DLC1: variants seen among roughly 807,000 people sequenced by gnomAD.
The protein encoded by DLC1 is rho GTPase-activating protein 7.
A neutral mutation model predicts 140.3 loss-of-function variants in DLC1; 54 were observed. The observed-to-expected ratio is 0.38, with a 90% CI of 0.31 to 0.48. DLC1 has a LOEUF of 0.48. DLC1 is among the 20% of genes least tolerant of loss of function. The pLI, the probability that DLC1 is intolerant of heterozygous loss-of-function variation, is 0.96. For synonymous variants in DLC1, 986 were observed against 728.1 expected (o/e 1.35, Z -5.70); for missense variants, 2,536 against 1,907.0 (o/e 1.33, Z -6.14).
rs80333709 is a variant in DLC1 at position 13,498,817 on chromosome 8, A to G, written c.1023+232T>C. On this transcript the variant is annotated intron_variant, in intron 2 of 17. Transcript: ENST00000276297. Reference sequence around the variant, plus strand: ...CCTGTTTTCAACACAATTCTGAAATAGAATATTCATAAACCATTATACACA... The same window carrying G: ...CCTGTTTTCAACACAATTCTGAAATGGAATATTCATAAACCATTATACACA... 2.4e-3 allele frequency: 1,057 copies of G among 431,526 alleles called. 9 individuals carry two copies. Among genetic ancestry groups the G allele is most frequent in the African/African-American group, 0.019 (922 of 49,728 alleles). The allele number at this position is 431,526 out of a possible 1,614,324, so 26.7% of individuals were successfully genotyped here. A position where few individuals can be genotyped will look rare whatever the true frequency, so the allele number is the denominator to read the frequency against.
intron 4 of DLC1, among the ~76,000 whole-genome samples, chr8:13,330,926 T>C (rs1227464815): frequency 6.6e-6 from 1 of 152,138 alleles, no homozygotes; most frequent in South Asian, 2.1e-4. Context: ...GTTTACACAC[T>C]TGAAATTAGG....
At chr8:13,448,330 C>T (rs573437218) in intron 2 of DLC1, among the ~76,000 whole-genome samples, 1 of 151,276 alleles carries the variant, frequency 6.6e-6, no homozygotes, top group Admixed American at 6.6e-5. Flanking sequence ...ATCTTCTTTG[C>T]TGTATCTTTT....
chr8:13,567,416 A>C lies in DLC1; in HGVS notation c.-126+37121T>G, dbSNP rs77590029. The stretch of plus-strand genomic sequence containing the variant: ...CATCGTAGAGGGGATTCTAAGAAGA[A>C]GACGAGCAGCAGACATAAAAAGCTG... On this transcript the variant is annotated intron_variant, in intron 1 of 1. Transcript: ENST00000631382. The C allele has an allele frequency of 4.4e-3, 6,767 of 1,551,640 alleles. 257 individuals are homozygous for C. In the African/African-American group the frequency reaches 0.081, roughly 19 times the overall value.
chr8:13,537,293 C>T (rs1375113088), intron 1 of DLC1, among the ~76,000 whole-genome samples: 1 of 152,124 alleles, frequency 6.6e-6, no homozygotes. Flanking sequence ...GCCATTCAGG[C>T]CCTCCACAAT....
In DLC1 at chr8:13,585,410, T is replaced by TA. The variant is rs768545206; in HGVS notation, c.-126+19126dup. Among the ~76,000 whole-genome samples, 196 of 151,390 alleles carry TA rather than the reference T, an allele frequency of 1.3e-3. 3 individuals are homozygous for TA. Among genetic ancestry groups the TA allele is most frequent in the Non-Finnish European group, 6.5e-4 (44 of 67,804 alleles). ...AAGACTCTCATCTCTATAAAAAATT[T>TA]AAAAAAAAAGAATGAAGAAATTAAA... On this transcript the variant is annotated intron_variant, in intron 1 of 1. Coordinates refer to the DLC1 transcript ENST00000631382.
Position 13,465,371 on chromosome 8 carries a change from A to G in DLC1, c.1023+33678T>C, listed in dbSNP as rs530036114. 7.2e-5 allele frequency among the ~76,000 whole-genome samples: 11 copies of G among 152,298 alleles called. 1 individual carries two copies. Among genetic ancestry groups the G allele is most frequent in the South Asian group, 4.1e-4 (2 of 4,828 alleles). On this transcript the variant is annotated intron_variant, in intron 2 of 17. Coordinates refer to ENST00000276297, the MANE Select transcript of DLC1 (RefSeq NM_182643.3). ...TCAGTTATATTGATACCTAGAATGT[A>G]TAGGGAGTTCCTGTTGATCCTGACT...
At chr8:13,453,438 G>GTGTA in intron 2 of DLC1, among the ~76,000 whole-genome samples, 1 of 16,760 alleles carries the variant, frequency 6.0e-5, no homozygotes, top group Admixed American at 7.6e-4. Flanking sequence ...ATATATATAT[G>GTGTA]TATATATATA....
At chr8:13,158,733 T>TCCCCCCCCCCCCC (rs71207127) in intron 5 of DLC1, among the ~76,000 whole-genome samples, 2 of 58,984 alleles carry the variant, frequency 3.4e-5, no homozygotes, top group Non-Finnish European at 6.7e-5. Flanking sequence ...ACCACCACCC[T>TCCCCCCCCCCCCC]CCCCCCCCCC....
intron 1 of DLC1, among the ~76,000 whole-genome samples, chr8:13,506,670 T>C (rs901662041): frequency 6.6e-6 from 1 of 151,280 alleles, no homozygotes; most frequent in Non-Finnish European, 1.5e-5. Context: ...CATATGTATG[T>C]ATATAAATAT....
At chr8:13,151,856 G>T (rs1004528339) in intron 5 of DLC1, among the ~76,000 whole-genome samples, 1 of 152,078 alleles carries the variant, frequency 6.6e-6, no homozygotes, top group South Asian at 2.1e-4. Context: ...ATTTATTGTC[G>T]GTAAAAGTTA....
chr8:13,339,526 C>T (rs1456564264), intron 4 of DLC1: 3 of 152,136 alleles, frequency 2.0e-5, no homozygotes, highest in African/African-American at 7.2e-5. Context: ...TACTTGTGTG[C>T]TGTTTTAAAA....
intron 5 of DLC1, among the ~76,000 whole-genome samples, chr8:13,123,970 A>G (rs73554491): frequency 0.01 from 1,567 of 152,346 alleles, 40 homozygotes; most frequent in African/African-American, 0.036. Flanking sequence ...GTGTATAAAT[A>G]TAAGTACACA....
chr8:13,489,431 A>ACG (rs1554530239), intron 2 of DLC1, among the ~76,000 whole-genome samples: 1 of 150,072 alleles, frequency 6.7e-6, no homozygotes, highest in Non-Finnish European at 1.5e-5. Context: ...ACACACACAC[A>ACG]CACACACACA....
rs375407996 is a variant in DLC1, at chr8:13,465,758, C to G, written c.1023+33291G>C. ...AGATATTCAAATATATCCATCTTTT[C>G]TAAGAAATAACTTTTTAGTATTCTT... On this transcript the variant is annotated intron_variant, in intron 2 of 17. Transcript: ENST00000276297. Among the ~76,000 whole-genome samples, 7 of 152,244 alleles carry G rather than the reference C, an allele frequency of 4.6e-5. No homozygotes were observed. The East Asian group carries it at 9.6e-4, about 21-fold the overall frequency.
intron 2 of DLC1, among the ~76,000 whole-genome samples, chr8:13,462,685 C>T (rs186029371): frequency 1.3e-5 from 2 of 152,266 alleles, no homozygotes; most frequent in East Asian, 3.9e-4. Context: ...GGATTACAGG[C>T]GTGAGCCACC....
At chr8:13,571,586 T>A (rs887885017) in intron 1 of DLC1, among the ~76,000 whole-genome samples, 8 of 152,234 alleles carry the variant, frequency 5.3e-5, no homozygotes, top group African/African-American at 1.9e-4. Flanking sequence ...ACGTGTAACG[T>A]GTATGTGTAT....
At chr8:13,399,235 C>T (rs1334063830) in intron 3 of DLC1, among the ~76,000 whole-genome samples, 2 of 152,204 alleles carry the variant, frequency 1.3e-5, no homozygotes, top group Non-Finnish European at 2.9e-5. Context: ...GACTGTCTGA[C>T]AACCAGGGAA....
At chr8:13,440,429 G>A (rs928414385) in intron 2 of DLC1, among the ~76,000 whole-genome samples, 17 of 152,090 alleles carry the variant, frequency 1.1e-4, no homozygotes, top group African/African-American at 4.1e-4. Context: ...CAAATTTCCT[G>A]TCCCAGCTCT....
rs563034066 is a variant in DLC1 at position 13,564,244 on chromosome 8, A to T, written c.-126+40293T>A. ...GATAATTGTGAGGTAAAAACATTTTACAGATAAAGAACAAGTACTGAACCA... is the reference window on the plus strand; with the variant it reads ...GATAATTGTGAGGTAAAAACATTTTTCAGATAAAGAACAAGTACTGAACCA... On this transcript the variant is annotated intron_variant, in intron 1 of 1. Transcript: ENST00000631382. Among the ~76,000 whole-genome samples, 4 of 152,232 alleles carry T rather than the reference A, an allele frequency of 2.6e-5. No homozygotes were observed. The South Asian group carries it at 8.3e-4, about 32-fold the overall frequency.
Sources: allele counts gnomAD v4.1 joint callset (sites outside exome capture counted in the v4.1 genomes callset), GRCh38; gene constraint gnomAD v4.1.1; transcripts MANE v1.5; gene names NCBI Gene and HGNC (gene_info 2026-07-23, HGNC 2026-07-21).